ANKRD27: variants seen among roughly 807,000 people sequenced by gnomAD.
The protein encoded by ANKRD27 is ankyrin repeat domain-containing protein 27.
In ANKRD27, 112 loss-of-function variants were observed where a neutral mutation model predicts 129.7. The observed-to-expected ratio is 0.86, with a 90% CI of 0.74 to 1.01. The LOEUF (loss-of-function observed/expected upper bound fraction) is 1.01, where lower values mean the gene tolerates loss of function less well. Among genes scored for constraint, ANKRD27 ranks in the 50% least tolerant of loss-of-function variants. The pLI is 0.00. For synonymous variants in ANKRD27, 516 were observed against 511.2 expected (o/e 1.01, Z -0.13); for missense variants, 1,258 against 1,300.5 (o/e 0.97, Z 0.50).
At chr19:32,624,274 G>A (rs907280842) in intron 17 of ANKRD27, among the ~76,000 whole-genome samples, 14 of 152,024 alleles carry the variant, frequency 9.2e-5, no homozygotes, top group Non-Finnish European at 2.1e-4. Flanking sequence ...GGCTGAGGCA[G>A]GAGAATCGCT....
intron 13 of ANKRD27, among the ~76,000 whole-genome samples, chr19:32,630,892 A>G (rs935507814): frequency 1.3e-5 from 2 of 152,082 alleles, no homozygotes; most frequent in Admixed American, 1.3e-4. Context: ...TCGGCCTCCC[A>G]AAGTGCTGGG....
At chr19:32,663,957 G>A (rs1967695459) in intron 1 of ANKRD27, among the ~76,000 whole-genome samples, 1 of 148,928 alleles carries the variant, frequency 6.7e-6, no homozygotes, top group Non-Finnish European at 1.5e-5. Context: ...TTGGGAGGCT[G>A]AGGCAGGAGA....
intron 3 of ANKRD27, among the ~76,000 whole-genome samples, chr19:32,648,564 G>T (rs1176825997): frequency 1.3e-5 from 2 of 152,210 alleles, no homozygotes; most frequent in Non-Finnish European, 2.9e-5. Context: ...ACTTTGGGAG[G>T]CCGAGGCGGG....
chr19:32,599,169 C>T (rs2145252682), intron 28 of ANKRD27, among the ~76,000 whole-genome samples: 1 of 152,306 alleles, frequency 6.6e-6, no homozygotes, highest in South Asian at 2.1e-4. Flanking sequence ...GTAATCCCAG[C>T]TACTCAGGAG....
intron 1 of ANKRD27, among the ~76,000 whole-genome samples, chr19:32,660,755 C>T (rs1450053459): frequency 3.9e-5 from 6 of 152,126 alleles, no homozygotes; most frequent in Non-Finnish European, 8.8e-5. Context: ...AAGCCATATC[C>T]CACTGTTTTT....
intron 1 of ANKRD27, among the ~76,000 whole-genome samples, chr19:32,664,875 G>A (rs1395143986): frequency 1.5e-5 from 2 of 133,438 alleles, no homozygotes; most frequent in Non-Finnish European, 3.1e-5. Flanking sequence ...AGCTGAGATT[G>A]CACCACTGCA....
chr19:32,648,964 G>GT (rs1289435071), intron 3 of ANKRD27, among the ~76,000 whole-genome samples: 7 of 118,564 alleles, frequency 5.9e-5, no homozygotes, highest in Non-Finnish European at 1.2e-4. Context: ...TGTTTTTTGG[G>GT]TTTGTTTTTT....
chr19:32,655,600 G>A (rs538181553), intron 2 of ANKRD27, among the ~76,000 whole-genome samples: 2 of 152,328 alleles, frequency 1.3e-5, no homozygotes, highest in African/African-American at 4.8e-5. Flanking sequence ...CACTTAGTTG[G>A]CCAGGCATGG....
At chr19:32,662,311 CAAAAAAA>C (rs34066529) in intron 1 of ANKRD27, among the ~76,000 whole-genome samples, 5 of 38,006 alleles carry the variant, frequency 1.3e-4, no homozygotes, top group South Asian at 3.3e-3. Flanking sequence ...ACTCAGTCTC[CAAAAAAA>C]AAAAAAAAAA....
At chr19:32,661,220 TACACACACAC>T (rs71176143) in intron 1 of ANKRD27, among the ~76,000 whole-genome samples, 7 of 43,522 alleles carry the variant, frequency 1.6e-4, no homozygotes, top group Non-Finnish European at 4.0e-4. Context: ...AAAAAAATTA[TACACACACAC>T]ACACACACAC....
chr19:32,669,532 T>G (rs534982691), intron 1 of ANKRD27, among the ~76,000 whole-genome samples: 1 of 152,258 alleles, frequency 6.6e-6, no homozygotes, highest in African/African-American at 2.4e-5. Flanking sequence ...GAAAGCCATG[T>G]GAGAAACAGG....
intron 1 of ANKRD27, among the ~76,000 whole-genome samples, chr19:32,674,578 C>A (rs914939497): frequency 6.6e-6 from 1 of 150,758 alleles, no homozygotes; most frequent in South Asian, 2.1e-4. Context: ...GAGACCCCCC[C>A]GCCCTGCGAG....
intron 2 of ANKRD27, chr19:32,655,026 C>A (rs1383630488): frequency 1.3e-5 from 2 of 152,358 alleles, no homozygotes; most frequent in African/African-American, 4.8e-5. Context: ...AAATGATCCG[C>A]CTGCCTTGGC....
intron 1 of ANKRD27, among the ~76,000 whole-genome samples, chr19:32,661,217 T>TTA (rs1251166035): frequency 2.1e-3 from 185 of 87,466 alleles, no homozygotes; most frequent in Middle Eastern, 6.8e-3. Context: ...AAAAAAAAAA[T>TTA]TATACACACA....
At chr19:32,661,359 C>T (rs1967643050) in intron 1 of ANKRD27, among the ~76,000 whole-genome samples, 1 of 152,070 alleles carries the variant, frequency 6.6e-6, no homozygotes, top group South Asian at 2.1e-4. Context: ...GGGTTTCACA[C>T]TGTCGCCCAG....
chr19:32,665,561 G>A (rs1268288933), intron 1 of ANKRD27, among the ~76,000 whole-genome samples: 3 of 151,962 alleles, frequency 2.0e-5, no homozygotes, highest in South Asian at 2.1e-4. Flanking sequence ...CAGGGTTCAC[G>A]CCATTCTCCT....
intron 12 of ANKRD27, 117 bp from the exon 13 acceptor site, chr19:32,631,611 G>T: frequency 1.3e-6 from 1 of 775,512 alleles, no homozygotes; most frequent in Non-Finnish European, 2.2e-6. Context: ...CCTCTCTCCC[G>T]TCTCATATGG....
chr19:32,670,750 T>C (rs1599781190), intron 1 of ANKRD27, among the ~76,000 whole-genome samples: 1 of 151,772 alleles, frequency 6.6e-6, no homozygotes, highest in Non-Finnish European at 1.5e-5. Context: ...TCCCAGCACT[T>C]TGGAAGGCCG....
chr19:32,626,009 C>A, intron 16 of ANKRD27, 43 bp from the exon 17 acceptor site: 1 of 1,509,152 alleles, frequency 6.6e-7, no homozygotes, highest in Non-Finnish European at 8.9e-7. Context: ...ACAGCCGGCT[C>A]CCTGGGAGGC....
Sources: allele counts gnomAD v4.1 joint callset (sites outside exome capture counted in the v4.1 genomes callset), GRCh38; gene constraint gnomAD v4.1.1; transcripts MANE v1.5; gene names NCBI Gene and HGNC (gene_info 2026-07-23, HGNC 2026-07-21).